The following SORCS3 variants were observed in gnomAD, a reference collection of about 807,000 sequenced individuals.
SORCS3 encodes the protein sortilin related VPS10 domain containing receptor 3.
A neutral mutation model predicts 146.3 loss-of-function variants in SORCS3; 57 were observed. The observed-to-expected ratio is 0.39, with a 90% CI of 0.31 to 0.49. The LOEUF is 0.49. SORCS3 is among the 20% of genes least tolerant of loss of function. The probability of loss-of-function intolerance (pLI) is 0.92; values close to 1 mark genes in which losing one functional copy is unlikely to be tolerated. For missense variants in SORCS3, 1,341 were observed against 1,575.5 expected (o/e 0.85, Z 2.52); for synonymous variants, 653 against 618.5 (o/e 1.06, Z -0.83).
chr10:105,228,486 CT>C (rs1412733038), intron 20 of SORCS3, among the ~76,000 whole-genome samples: 1 of 149,802 alleles, frequency 6.7e-6, no homozygotes, highest in Non-Finnish European at 1.5e-5. Context: ...TGATTTCTTT[CT>C]TTATTTCTCT....
intron 1 of SORCS3, among the ~76,000 whole-genome samples, chr10:104,779,545 T>C (rs1025204529): frequency 6.6e-6 from 1 of 152,166 alleles, no homozygotes; most frequent in Non-Finnish European, 1.5e-5. Flanking sequence ...CCAGGGGGAC[T>C]CCACGGAGGA....
chr10:105,152,924 C>A (rs2056177724), intron 9 of SORCS3, among the ~76,000 whole-genome samples: 1 of 141,668 alleles, frequency 7.1e-6, no homozygotes, highest in Non-Finnish European at 1.6e-5. Flanking sequence ...ACCACTTAGG[C>A]TTTTCTCACT....
At chr10:105,065,291 G>A (rs1290382252) in intron 5 of SORCS3, among the ~76,000 whole-genome samples, 2 of 152,118 alleles carry the variant, frequency 1.3e-5, no homozygotes, top group Non-Finnish European at 2.9e-5. Flanking sequence ...ACTGGGTGCT[G>A]GTTCACAAAC....
At chr10:105,041,537 A>G (rs1243192879) in intron 4 of SORCS3, among the ~76,000 whole-genome samples, 1 of 151,418 alleles carries the variant, frequency 6.6e-6, no homozygotes, top group African/African-American at 2.4e-5. Flanking sequence ...GTGTATATAT[A>G]CATATATAAA....
chr10:104,887,963 G>GC lies in SORCS3; in HGVS notation c.696-27870_696-27869insC, dbSNP rs1564706324. ...TTCCCAGCAACATGGTGGGGGCGGG[G>GC]GGGCGGGGGCGGAGCAAGCCCATGA... On this transcript the variant is annotated intron_variant, in intron 2 of 26. Coordinates refer to ENST00000369701, the MANE Select transcript of SORCS3 (RefSeq NM_014978.3). Among the ~76,000 whole-genome samples the GC allele has an allele frequency of 6.2e-3, 786 of 127,066 alleles. 98 individuals are homozygous for GC. Among genetic ancestry groups the GC allele is most frequent in the African/African-American group, 0.025 (750 of 30,128 alleles). 83.4% of individuals were successfully genotyped at this position (127,066 alleles called of 152,430 possible).
Position 104,943,898 on chromosome 10 carries a change from C to CAT in SORCS3, c.795+27974_795+27975dup, listed in dbSNP as rs572443605. Among the ~76,000 whole-genome samples, 171 of 152,096 alleles carry CAT rather than the reference C, an allele frequency of 1.1e-3. 1 individual carries two copies. The highest frequency in any genetic ancestry group is 4.0e-3 in the African/African-American group (165 of 41,482). ...CAGAATAAAAGTCCAGGAGTAGATC[C>CAT]ATATATATACAGTTGCTTGAGTTTT... On this transcript the variant is annotated intron_variant, in intron 3 of 26. Transcript: ENST00000369701.
At chr10:104,813,540 C>T (rs2017762455) in intron 1 of SORCS3, among the ~76,000 whole-genome samples, 1 of 152,110 alleles carries the variant, frequency 6.6e-6, no homozygotes, top group East Asian at 1.9e-4. Context: ...CATTTCCTTA[C>T]CGTAGCCTTA....
intron 1 of SORCS3, among the ~76,000 whole-genome samples, chr10:104,734,183 C>A (rs1165984999): frequency 6.6e-6 from 1 of 152,142 alleles, no homozygotes; most frequent in Non-Finnish European, 1.5e-5. Flanking sequence ...AAGATCTCGT[C>A]CCTAGAAATA....
At position 105,087,831 on chromosome 10, in the gene SORCS3, A is replaced by T. The variant is rs559844874; in HGVS notation, c.1029-1944A>T. Among the ~76,000 whole-genome samples the T allele has an allele frequency of 3.9e-5, 6 of 152,376 alleles. No homozygotes were observed. The South Asian group carries it at 1.0e-3, about 26-fold the overall frequency. On this transcript the variant is annotated intron_variant, in intron 5 of 26. Coordinates refer to ENST00000369701, the MANE Select transcript of SORCS3 (RefSeq NM_014978.3). Reference sequence around the variant, plus strand: ...CAGTGGTCCTCAAACATGGCTGCACATGGAAATCACCTGCGACCTTTAAAA... The same window carrying T: ...CAGTGGTCCTCAAACATGGCTGCACTTGGAAATCACCTGCGACCTTTAAAA...
chr10:105,063,185 C>T (rs538155741), intron 5 of SORCS3, among the ~76,000 whole-genome samples: 11 of 152,226 alleles, frequency 7.2e-5, no homozygotes, highest in African/African-American at 2.2e-4. Flanking sequence ...TATGGACTCC[C>T]GATGATTTAT....
intron 1 of SORCS3, among the ~76,000 whole-genome samples, chr10:104,701,694 A>T (rs966209733): frequency 2.4e-4 from 36 of 152,312 alleles, no homozygotes; most frequent in African/African-American, 7.0e-4. Flanking sequence ...TGCTAATCCT[A>T]AGTGCAGTGG....
At chr10:104,732,851 G>A (rs145958593) in intron 1 of SORCS3, among the ~76,000 whole-genome samples, 1 of 152,272 alleles carries the variant, frequency 6.6e-6, no homozygotes, top group Non-Finnish European at 1.5e-5. Flanking sequence ...TGTAGAATGA[G>A]GGTCAGCCTA....
At chr10:104,808,066 C>T (rs941007495) in intron 1 of SORCS3, among the ~76,000 whole-genome samples, 3 of 152,022 alleles carry the variant, frequency 2.0e-5, no homozygotes, top group African/African-American at 2.4e-5. Context: ...GCTGCCCTGG[C>T]GGGAAGACAG....
At chr10:105,003,163 T>A (rs920105582) in intron 4 of SORCS3, among the ~76,000 whole-genome samples, 2 of 152,170 alleles carry the variant, frequency 1.3e-5, no homozygotes, top group Non-Finnish European at 2.9e-5. Flanking sequence ...AATTAAATCA[T>A]TTACTCCACT....
chr10:104,864,284 T>C (rs752603249), intron 2 of SORCS3, among the ~76,000 whole-genome samples: 3 of 152,122 alleles, frequency 2.0e-5, no homozygotes, highest in Non-Finnish European at 2.9e-5. Context: ...TGGGAACCCA[T>C]GGGAGTAGGG....
chr10:104,751,751 C>G (rs1161653120), intron 1 of SORCS3, among the ~76,000 whole-genome samples: 1 of 151,296 alleles, frequency 6.6e-6, no homozygotes, highest in Non-Finnish European at 1.5e-5. Flanking sequence ...GCATTTATAG[C>G]TCTGTGTCTG....
intron 4 of SORCS3, among the ~76,000 whole-genome samples, chr10:105,008,061 ATG>A (rs2133678620): frequency 6.6e-6 from 1 of 152,312 alleles, no homozygotes; most frequent in South Asian, 2.1e-4. Flanking sequence ...TTCTGATTGC[ATG>A]GCGTGATTTC....
intron 13 of SORCS3, among the ~76,000 whole-genome samples, chr10:105,177,292 G>C (rs2056412342): frequency 6.6e-6 from 1 of 152,188 alleles, no homozygotes; most frequent in African/African-American, 2.4e-5. Context: ...AGAAACTAAG[G>C]CTGTCTTGGG....
chr10:104,929,335 A>G (rs1286468577), intron 3 of SORCS3, among the ~76,000 whole-genome samples: 1 of 151,902 alleles, frequency 6.6e-6, no homozygotes, highest in African/African-American at 2.4e-5. Flanking sequence ...GCTCAGTGAC[A>G]CCTCCCAATT....
Sources: gnomAD v4.1 joint callset for allele counts (sites outside exome capture counted in the v4.1 genomes callset) on GRCh38, gnomAD v4.1.1 for gene constraint, MANE v1.5 for transcripts, NCBI Gene and HGNC (gene_info 2026-07-23, HGNC 2026-07-21) for gene names.